Variants in FER observed in about 807,000 individuals in gnomAD.
The protein encoded by FER is tyrosine-protein kinase Fer.
Under a neutral mutation model 111.0 loss-of-function variants are expected in FER, and 63 were observed. The ratio of observed to expected loss-of-function variants is 0.57; its 90% confidence interval spans 0.46 to 0.70. The LOEUF (loss-of-function observed/expected upper bound fraction) is 0.70, where lower values mean the gene tolerates loss of function less well. FER is among the 30% of genes least tolerant of loss of function. The pLI is 0.00. For missense variants in FER, 914 were observed against 954.0 expected (o/e 0.96, Z 0.55); for synonymous variants, 327 against 313.9 (o/e 1.04, Z -0.44).
chr5:109,110,710 A>C (rs909141212), intron 17 of FER, among the ~76,000 whole-genome samples: 1 of 152,122 alleles, frequency 6.6e-6, no homozygotes. Context: ...CAGGTTTGTT[A>C]CATATGTATA....
Position 108,852,789 on chromosome 5 carries a change from A to G in FER, c.482-14978A>G, listed in dbSNP as rs144112674. Among the ~76,000 whole-genome samples the G allele has an allele frequency of 2.7e-3, 408 of 152,262 alleles. 1 individual carries two copies. The highest frequency in any genetic ancestry group is 9.4e-3 in the African/African-American group (391 of 41,570). On this transcript the variant is annotated intron_variant, in intron 5 of 19. Transcript: ENST00000281092. ...GTGAAATTTCATTAATATGATAGGA[A>G]TTTTACAAGGTAATTAAAAGTAATG... is the stretch of plus-strand genomic sequence containing the variant.
chr5:108,864,787 A>G (rs1763867331), intron 5 of FER, among the ~76,000 whole-genome samples: 1 of 152,178 alleles, frequency 6.6e-6, no homozygotes, highest in Non-Finnish European at 1.5e-5. Context: ...GAAGTCAGGT[A>G]GCATGATGCC....
chr5:109,071,507 A>T (rs1775757303), intron 16 of FER, among the ~76,000 whole-genome samples: 3 of 152,008 alleles, frequency 2.0e-5, no homozygotes, highest in Admixed American at 2.0e-4. Flanking sequence ...TTGTAATTTT[A>T]TCTCTATATG....
chr5:109,017,423 G>GT (rs1435240248), intron 13 of FER, among the ~76,000 whole-genome samples: 3 of 151,954 alleles, frequency 2.0e-5, no homozygotes, highest in Non-Finnish European at 4.4e-5. Flanking sequence ...AATGTTGGAT[G>GT]TGATGTCCTC....
intron 3 of FER, chr5:108,819,753 A>AT (rs1209038562): frequency 2.0e-5 from 20 of 975,818 alleles, no homozygotes; most frequent in Non-Finnish European, 2.2e-5. Flanking sequence ...GAAAAAAAGC[A>AT]TTTTTTTAAA....
At chr5:109,059,342 G>A (rs1268123636) in intron 16 of FER, among the ~76,000 whole-genome samples, 1 of 149,822 alleles carries the variant, frequency 6.7e-6, no homozygotes, top group African/African-American at 2.5e-5. Flanking sequence ...GGCCAACATG[G>A]TGAAACCCTG....
At chr5:108,979,552 TA>T (rs1308257128) in intron 13 of FER, among the ~76,000 whole-genome samples, 1 of 152,140 alleles carries the variant, frequency 6.6e-6, no homozygotes, top group Non-Finnish European at 1.5e-5. Flanking sequence ...AAGGCTTAAT[TA>T]AAAAATTAAA....
chr5:109,030,020 C>A (rs1480669247), intron 13 of FER, among the ~76,000 whole-genome samples: 2 of 151,970 alleles, frequency 1.3e-5, no homozygotes, highest in Non-Finnish European at 2.9e-5. Context: ...AATCTATTTT[C>A]TCTTTGTTGT....
intron 2 of FER, among the ~76,000 whole-genome samples, chr5:108,776,340 C>T (rs1366216347): frequency 2.6e-5 from 4 of 151,900 alleles, no homozygotes; most frequent in African/African-American, 2.4e-5. Context: ...TATTTTCAAC[C>T]ATAAAACATA....
intron 5 of FER, among the ~76,000 whole-genome samples, chr5:108,857,752 A>G (rs1457294797): frequency 6.6e-6 from 1 of 152,156 alleles, no homozygotes; most frequent in African/African-American, 2.4e-5. Flanking sequence ...AATTTAATGT[A>G]TTAGAATGAA....
intron 9 of FER, among the ~76,000 whole-genome samples, chr5:108,886,319 G>A (rs1477801882): frequency 6.6e-6 from 1 of 151,198 alleles, no homozygotes; most frequent in African/African-American, 2.4e-5. Context: ...GAGGAGCCTT[G>A]AAGGGTAGTG....
chr5:108,770,112 C>A (rs1752735240), intron 2 of FER, among the ~76,000 whole-genome samples: 2 of 152,150 alleles, frequency 1.3e-5, no homozygotes, highest in Admixed American at 1.3e-4. Flanking sequence ...CCATGCCCGG[C>A]TAATTTCGTA....
At chr5:108,977,304 G>A (rs1761483940) in intron 13 of FER, among the ~76,000 whole-genome samples, 2 of 152,146 alleles carry the variant, frequency 1.3e-5, no homozygotes, top group African/African-American at 4.8e-5. Context: ...ATAGGTTTAT[G>A]TATATTTTAT....
At chr5:108,971,048 G>A (rs1054395336) in intron 13 of FER, among the ~76,000 whole-genome samples, 1 of 151,906 alleles carries the variant, frequency 6.6e-6, no homozygotes, top group African/African-American at 2.4e-5. Context: ...AAACTATTCC[G>A]ATTTTTAATT....
At chr5:108,807,286 CCT>C (rs1003413789) in intron 3 of FER, among the ~76,000 whole-genome samples, 1 of 152,142 alleles carries the variant, frequency 6.6e-6, no homozygotes, top group African/African-American at 2.4e-5. Flanking sequence ...TGTAAATTGC[CCT>C]GTCTCAGGTA....
At chr5:109,071,092 C>A (rs1307804676) in intron 16 of FER, among the ~76,000 whole-genome samples, 1 of 151,996 alleles carries the variant, frequency 6.6e-6, no homozygotes, top group Non-Finnish European at 1.5e-5. Flanking sequence ...AAAAACATTT[C>A]TTAAGCGAAA....
chr5:108,798,313 C>T lies in FER; in HGVS notation c.131C>T (p.Ser44Phe). Residue 44 changes from serine to phenylalanine, a missense_variant, in exon 3 of 20, where the codon TCT becomes TTT. This residue lies in a region of FER where 774 missense variants were observed against 782.6 expected (regional missense o/e 0.99). Transcript: ENST00000281092. Reference protein sequence around the residue: ...LRIKSDKEYASTLQNLCNQVD... With the variant: ...LRIKSDKEYAFTLQNLCNQVD... The stretch of plus-strand genomic sequence containing the variant: ...ATAAAAAGTGATAAAGAATATGCAT[C>T]TACTTTACAGAACCTTTGTAATCAA... The T allele has an allele frequency of 6.2e-7, 1 of 1,613,588 alleles. No homozygotes were observed.
intron 5 of FER, among the ~76,000 whole-genome samples, chr5:108,859,640 T>C (rs1014904763): frequency 3.9e-5 from 6 of 152,216 alleles, no homozygotes; most frequent in African/African-American, 1.4e-4. Flanking sequence ...TAGGAAATTA[T>C]GGAATGTAGA....
intron 17 of FER, among the ~76,000 whole-genome samples, chr5:109,105,034 C>T (rs372159395): frequency 1.4e-4 from 22 of 152,190 alleles, no homozygotes; most frequent in East Asian, 9.7e-4. Context: ...TGAGCCACCG[C>T]GCCCGGCCAA....
Sources: gnomAD v4.1 joint callset for allele counts (sites outside exome capture counted in the v4.1 genomes callset) on GRCh38, gnomAD v4.1.1 for gene constraint, gnomAD v4.1.1 regional missense constraint, MANE v1.5 for transcripts, NCBI Gene and HGNC (gene_info 2026-07-23, HGNC 2026-07-21) for gene names.